The following C6orf58 variants were observed in gnomAD, a reference collection of about 807,000 sequenced individuals.
The protein encoded by C6orf58 is protein LEG1 homolog.
In C6orf58, 30 loss-of-function variants were observed where a neutral mutation model predicts 37.0. That is an observed-to-expected ratio of 0.81 (90% CI 0.61 to 1.10). The LOEUF (loss-of-function observed/expected upper bound fraction) is 1.10. C6orf58 is among the 50% of genes least tolerant of loss of function. The pLI is 0.00. For synonymous variants in C6orf58, 143 were observed against 134.1 expected (o/e 1.07, Z -0.46); for missense variants, 368 against 387.5 (o/e 0.95, Z 0.42).
chr6:127,590,881 A>C (rs973486956), intron 5 of C6orf58, among the ~76,000 whole-genome samples: 1 of 152,144 alleles, frequency 6.6e-6, no homozygotes, highest in Non-Finnish European at 1.5e-5. Context: ...TGACTATATC[A>C]TTCCCATTTG....
chr6:127,589,511 A>G (rs892496517), intron 4 of C6orf58, among the ~76,000 whole-genome samples: 5 of 152,214 alleles, frequency 3.3e-5, no homozygotes, highest in Non-Finnish European at 7.4e-5. Context: ...TTTCTCACCT[A>G]TTATGGGGAC....
chr6:127,578,376 C>A (rs115462592), intron 1 of C6orf58, among the ~76,000 whole-genome samples: 2,654 of 152,066 alleles, frequency 0.017, 77 homozygotes, highest in African/African-American at 0.058. Context: ...CATCTCTTTT[C>A]ATCTGTATGC....
intron 4 of C6orf58, among the ~76,000 whole-genome samples, chr6:127,584,231 G>A (rs777251173): frequency 6.6e-6 from 1 of 152,144 alleles, no homozygotes; most frequent in African/African-American, 2.4e-5. Flanking sequence ...ATGTCTGTAG[G>A]TGTTCAAATG....
intron 3 of C6orf58, 66 bp from the exon 4 acceptor site, chr6:127,581,116 C>G: frequency 1.4e-6 from 1 of 704,886 alleles, no homozygotes; most frequent in Non-Finnish European, 2.2e-6. Flanking sequence ...CTGAACATGA[C>G]TAAATTTCAG....
intron 5 of C6orf58, 142 bp from the exon 6 acceptor site, chr6:127,591,401 C>A: frequency 1.4e-6 from 1 of 729,990 alleles, no homozygotes; most frequent in Non-Finnish European, 2.0e-6. Flanking sequence ...ACATGCCATG[C>A]TTACTTTTCT....
chr6:127,589,665 A>G (rs1283424680), intron 4 of C6orf58, among the ~76,000 whole-genome samples: 1 of 152,134 alleles, frequency 6.6e-6, no homozygotes, highest in Non-Finnish European at 1.5e-5. Flanking sequence ...AGAAATCTCA[A>G]TGTTTCTGGG....
intron 4 of C6orf58, among the ~76,000 whole-genome samples, chr6:127,584,067 A>G (rs1350679702): frequency 6.6e-6 from 1 of 152,212 alleles, no homozygotes; most frequent in Non-Finnish European, 1.5e-5. Context: ...TTCTGATAAA[A>G]TGAGTGCCTA....
intron 4 of C6orf58, among the ~76,000 whole-genome samples, chr6:127,583,137 C>G (rs147844108): frequency 6.6e-6 from 1 of 152,144 alleles, no homozygotes; most frequent in Non-Finnish European, 1.5e-5. Context: ...TTACCATACT[C>G]TCATTATAGG....
At position 127,591,642 on chromosome 6, in the gene C6orf58, C is replaced by T. The variant is rs1775164583; in HGVS notation, c.*20C>T. On this transcript the variant is annotated 3_prime_UTR_variant, in exon 6 of 6. Coordinates refer to ENST00000329722, the MANE Select transcript of C6orf58 (RefSeq NM_001010905.3). ...TCCTGAAACATTTAACTTCAAACTT[C>T]AGGAAATGATTAATGAATTAAAAAT... 2 of 1,478,248 alleles carry T rather than the reference C, an allele frequency of 1.4e-6. No homozygotes were observed. Among genetic ancestry groups the T allele is most frequent in the South Asian group, 2.9e-5 (2 of 68,010 alleles). 91.6% of individuals were successfully genotyped at this position (1,478,248 alleles called of 1,614,324 possible). A position where few individuals can be genotyped will look rare whatever the true frequency, so the allele number is the denominator to read the frequency against.
chr6:127,583,695 T>G (rs1007685849), intron 4 of C6orf58, among the ~76,000 whole-genome samples: 1 of 152,142 alleles, frequency 6.6e-6, no homozygotes, highest in African/African-American at 2.4e-5. Flanking sequence ...CTTTCTTTGG[T>G]GTCGTTTCCA....
chr6:127,578,890 A>G, intron 2 of C6orf58, 118 bp downstream of exon 2: 2 of 755,554 alleles, frequency 2.6e-6, no homozygotes, highest in Non-Finnish European at 4.5e-6. Context: ...TTAAAAAGGA[A>G]TCTATTTCAC....
intron 4 of C6orf58, among the ~76,000 whole-genome samples, chr6:127,586,981 G>T (rs1349728859): frequency 6.6e-6 from 1 of 152,128 alleles, no homozygotes; most frequent in East Asian, 1.9e-4. Flanking sequence ...CCTGATTTTA[G>T]CAATCTCCTT....
At chr6:127,580,146 G>T (rs2221878) in intron 2 of C6orf58, 119 bp from the exon 3 acceptor site, 400,717 of 666,734 alleles carry the variant, frequency 0.6, 129,016 homozygotes, top group East Asian at 1. Flanking sequence ...TTTCCTAATG[G>T]TTAGCTTTTA....
intron 2 of C6orf58, 26 bp downstream of exon 2, chr6:127,578,798 G>C (rs765657327): frequency 1.3e-6 from 2 of 1,509,426 alleles, no homozygotes; most frequent in Admixed American, 1.7e-5. Flanking sequence ...TGGCAAAATA[G>C]ATATTAACCT....
chr6:127,590,793 T>G (rs542746469), intron 5 of C6orf58, among the ~76,000 whole-genome samples: 1 of 152,246 alleles, frequency 6.6e-6, no homozygotes, highest in African/African-American at 2.4e-5. Context: ...GAAGAAGGGT[T>G]TTATTCTAGC....
At chr6:127,586,713 G>A (rs1775111040) in intron 4 of C6orf58, among the ~76,000 whole-genome samples, 2 of 151,630 alleles carry the variant, frequency 1.3e-5, no homozygotes, top group African/African-American at 4.9e-5. Context: ...TGCTTCAGAA[G>A]TGAAGGCCTG....
At chr6:127,580,159 A>G (rs2114290750) in intron 2 of C6orf58, 106 bp from the exon 3 acceptor site, 3 of 755,320 alleles carry the variant, frequency 4.0e-6, no homozygotes, top group African/African-American at 1.8e-5. Context: ...AGCTTTTATA[A>G]TGTTTCTGGG....
At position 127,580,248 on chromosome 6, in the gene C6orf58, A is replaced by G. The variant is rs375435768; in HGVS notation, c.389-17A>G. 3 of 1,591,240 alleles carry G rather than the reference A, an allele frequency of 1.9e-6. No homozygotes were observed. Among genetic ancestry groups the G allele is most frequent in the Non-Finnish European group, 2.6e-6 (3 of 1,163,286 alleles). ...TTGTTAGTGCTTGTAGTAATAGTAA[A>G]TCTTTTGTTCTTACAGATTTGAATT... On this transcript the variant is annotated splice_polypyrimidine_tract_variant and intron_variant, in intron 2 of 5. Coordinates refer to ENST00000329722, the MANE Select transcript of C6orf58 (RefSeq NM_001010905.3).
In C6orf58 at chr6:127,590,105, A is replaced by T; in HGVS notation, c.693A>T (p.Lys231Asn). ...CTTTTAGATATGATTATTATTCTAA[A>T]GCAGAAGCGCATTTTGAGAGAAGTT... ...SFEDRYDYYS[K>N]AEAHFERSWV... The change falls in exon 5 of 6, where the codon AAA becomes AAT. Residue 231 changes from lysine (K) to asparagine (N), a missense_variant. By Grantham distance (94) the Lys-to-Asn change is moderately conservative (BLOSUM62 0). Coordinates refer to ENST00000329722, the MANE Select transcript of C6orf58 (RefSeq NM_001010905.3). 6.2e-7 allele frequency: 1 copy of T among 1,612,452 alleles called. No individual in the cohort carries two copies. The highest frequency in any genetic ancestry group is 1.1e-5 in the South Asian group (1 of 90,930).
Sources: gnomAD v4.1 joint callset for allele counts (sites outside exome capture counted in the v4.1 genomes callset) on GRCh38, gnomAD v4.1.1 for gene constraint, MANE v1.5 for transcripts, NCBI Gene and HGNC (gene_info 2026-07-23, HGNC 2026-07-21) for gene names.